ZFPM1: variants seen among roughly 807,000 people sequenced by gnomAD.
ZFPM1 encodes the protein zinc finger protein, FOG family member 1.
Under a neutral mutation model 46.3 loss-of-function variants are expected in ZFPM1, and 28 were observed. That is an observed-to-expected ratio of 0.60 (90% CI 0.45 to 0.83). The LOEUF (loss-of-function observed/expected upper bound fraction) is 0.83, where lower values mean the gene tolerates loss of function less well. Ranked by LOEUF, ZFPM1 falls within the 40% of genes least tolerant of loss-of-function variation. The pLI is 0.00. For synonymous variants in ZFPM1, 957 were observed against 675.9 expected, an observed-to-expected ratio of 1.42 and a Z score of -6.45; for missense variants, 1,878 against 1,432.4, an observed-to-expected ratio of 1.31 and a Z score of -5.02.
chr16:88,501,963 T>G (rs1597256080), intron 3 of ZFPM1, among the ~76,000 whole-genome samples: 1 of 152,050 alleles, frequency 6.6e-6, no homozygotes, highest in Non-Finnish European at 1.5e-5. Flanking sequence ...ACCAGGCCGG[T>G]GAGCCCTGAC....
intron 2 of ZFPM1, among the ~76,000 whole-genome samples, chr16:88,487,654 C>T (rs1458790049): frequency 1.3e-5 from 2 of 152,164 alleles, no homozygotes; most frequent in Non-Finnish European, 2.9e-5. Context: ...CCCAGCATTT[C>T]CCAGTCTGAG....
chr16:88,470,318 C>T (rs1162241764), intron 1 of ZFPM1, among the ~76,000 whole-genome samples: 2 of 152,212 alleles, frequency 1.3e-5, no homozygotes, highest in Non-Finnish European at 2.9e-5. Flanking sequence ...CGGGTGTCCC[C>T]TGTACTCTCC....
chr16:88,501,386 G>T (rs12924628), intron 3 of ZFPM1, among the ~76,000 whole-genome samples: 4 of 58,890 alleles, frequency 6.8e-5, no homozygotes, highest in South Asian at 6.1e-4. Context: ...CATGGGTGCG[G>T]GGCCCTCCCG....
intron 1 of ZFPM1, among the ~76,000 whole-genome samples, chr16:88,470,526 G>C (rs568947311): frequency 6.6e-6 from 1 of 151,178 alleles, no homozygotes; most frequent in African/African-American, 2.4e-5. Context: ...TGAGGATGTG[G>C]CACGGTGTGG....
intron 3 of ZFPM1, among the ~76,000 whole-genome samples, chr16:88,505,914 C>G (rs1300331037): frequency 1.3e-5 from 2 of 152,180 alleles, no homozygotes; most frequent in African/African-American, 4.8e-5. Context: ...ACCCCAAGGA[C>G]AGGCACCCCC....
At chr16:88,526,345 C>T (rs554665611) in intron 4 of ZFPM1, among the ~76,000 whole-genome samples, 17 of 152,326 alleles carry the variant, frequency 1.1e-4, no homozygotes, top group Admixed American at 5.9e-4. Context: ...ATTCTGGAGG[C>T]ATCTAGGGCC....
At chr16:88,499,452 C>T (rs572648554) in intron 3 of ZFPM1, among the ~76,000 whole-genome samples, 3 of 152,280 alleles carry the variant, frequency 2.0e-5, no homozygotes, top group African/African-American at 4.8e-5. Context: ...CAGAGGAAGC[C>T]GGGTACAGAG....
rs772973552 is a variant in ZFPM1, at chr16:88,532,173, C to G, written c.884C>G (p.Pro295Arg). The change falls in exon 7 of 10, where the codon CCC becomes CGC. Residue 295 changes from proline (P) to arginine (R), a missense_variant. By Grantham distance (103) the Pro-to-Arg change is moderately radical (BLOSUM62 -2). Coordinates refer to ENST00000319555, the MANE Select transcript of ZFPM1 (RefSeq NM_153813.3). ...TYPNERVCPF[P>R]QCRKSCPSAS... is the part of the protein sequence containing the mutation. ...CCCAACGAGCGCGTCTGCCCCTTCC[C>G]CCAGTGCCGCAAGAGCTGCCCCAGC... is the stretch of plus-strand genomic sequence containing the variant. 1.2e-6 allele frequency: 2 copies of G among 1,611,934 alleles called. No individual in the cohort carries two copies. Among genetic ancestry groups the G allele is most frequent in the South Asian group, 2.2e-5 (2 of 91,028 alleles).
chr16:88,495,919 G>A (rs1039166166), intron 3 of ZFPM1, among the ~76,000 whole-genome samples: 3 of 152,200 alleles, frequency 2.0e-5, no homozygotes, highest in African/African-American at 7.2e-5. Context: ...ACAGGGGTCC[G>A]CCTGTGAGGT....
chr16:88,501,844 C>G (rs1156479669), intron 3 of ZFPM1, among the ~76,000 whole-genome samples: 1 of 152,192 alleles, frequency 6.6e-6, no homozygotes, highest in East Asian at 1.9e-4. Context: ...GTGCAGGGCC[C>G]TCCTGCCACT....
chr16:88,525,265 C>T (rs935101401), intron 4 of ZFPM1, among the ~76,000 whole-genome samples: 4 of 152,216 alleles, frequency 2.6e-5, no homozygotes, highest in Non-Finnish European at 5.9e-5. Flanking sequence ...CGCGTGCTGG[C>T]AAAGTCCAGG....
intron 3 of ZFPM1, among the ~76,000 whole-genome samples, chr16:88,500,002 C>A (rs1413440988): frequency 6.6e-6 from 1 of 152,234 alleles, no homozygotes. Flanking sequence ...GGCTGCCTGC[C>A]GTGCTGCCCT....
At chr16:88,526,359 G>A (rs1178032945) in intron 4 of ZFPM1, among the ~76,000 whole-genome samples, 1 of 152,234 alleles carries the variant, frequency 6.6e-6, no homozygotes, top group East Asian at 1.9e-4. Context: ...TAGGGCCTGT[G>A]TGGAAGGAGC....
chr16:88,528,111 C>T lies in ZFPM1; in HGVS notation c.585C>T (p.His195=), dbSNP rs1236752790. Reference sequence around the variant, plus strand: ...GCGTGCTCCTCACGGCCGAGCCCCACAGCACCCCCGGCCACCCTGTGAAGA... The same window carrying T: ...GCGTGCTCCTCACGGCCGAGCCCCATAGCACCCCCGGCCACCCTGTGAAGA... ...LLSVLLTAEP[H]STPGHPVKKE... The change falls in exon 6 of 10, where the codon CAC becomes CAT. Residue 195 remains histidine, a synonymous_variant. Transcript: ENST00000319555. The T allele has an allele frequency of 6.9e-6, 11 of 1,586,772 alleles. No homozygotes were observed. The highest frequency in any genetic ancestry group is 9.4e-6 in the Non-Finnish European group (11 of 1,167,706).
At chr16:88,475,517 G>A (rs890966540) in intron 1 of ZFPM1, among the ~76,000 whole-genome samples, 1 of 151,930 alleles carries the variant, frequency 6.6e-6, no homozygotes. Context: ...GGGGTCCGGG[G>A]GGGGGAGCAC....
intron 3 of ZFPM1, among the ~76,000 whole-genome samples, chr16:88,494,999 T>C (rs1909853990): frequency 6.6e-6 from 1 of 152,246 alleles, no homozygotes; most frequent in East Asian, 1.9e-4. Flanking sequence ...TGCAAATGGC[T>C]AAGCCATAAT....
intron 3 of ZFPM1, among the ~76,000 whole-genome samples, chr16:88,499,940 G>C (rs369021359): frequency 6.6e-6 from 1 of 152,208 alleles, no homozygotes; most frequent in East Asian, 1.9e-4. Context: ...GAGCGCAGCC[G>C]GAGCCCTGGG....
Position 88,479,532 on chromosome 16 carries a change from G to A in ZFPM1, c.41-6407G>A, listed in dbSNP as rs373981891. ...ATAGCGTGGCCTCAACAGAGCGAGCGGGGCCGTCCCCGTCTCCTCTCTGTC... is the reference window on the plus strand; with the variant it reads ...ATAGCGTGGCCTCAACAGAGCGAGCAGGGCCGTCCCCGTCTCCTCTCTGTC... On this transcript the variant is annotated intron_variant, in intron 1 of 9. Coordinates refer to ENST00000319555, the MANE Select transcript of ZFPM1 (RefSeq NM_153813.3). 3.4e-3 allele frequency among the ~76,000 whole-genome samples: 516 copies of A among 152,210 alleles called. 1 individual carries two copies. The highest frequency in any genetic ancestry group is 0.012 in the African/African-American group (492 of 41,522).
At chr16:88,492,618 C>A (rs1302624941) in intron 3 of ZFPM1, among the ~76,000 whole-genome samples, 1 of 152,216 alleles carries the variant, frequency 6.6e-6, no homozygotes, top group Non-Finnish European at 1.5e-5. Flanking sequence ...ACCCCCCAAC[C>A]CCGACCCCGG....
Sources: gnomAD v4.1 joint callset for allele counts (sites outside exome capture counted in the v4.1 genomes callset) on GRCh38, gnomAD v4.1.1 for gene constraint, MANE v1.5 for transcripts, NCBI Gene and HGNC (gene_info 2026-07-23, HGNC 2026-07-21) for gene names.